The following NOP14 variants were observed in gnomAD, a reference collection of about 807,000 sequenced individuals.
NOP14 encodes NOP14 nucleolar protein.
Under a neutral mutation model 101.6 loss-of-function variants are expected in NOP14, and 57 were observed. That is an observed-to-expected ratio of 0.56 (90% confidence interval 0.45 to 0.70). The LOEUF is 0.70. NOP14 is among the 30% of genes least tolerant of loss of function. NOP14 has a pLI of 0.00. For missense variants in NOP14, 1,134 were observed against 1,075.5 expected, an observed-to-expected ratio of 1.05 and a Z score of -0.76; for synonymous variants, 428 against 424.0, an observed-to-expected ratio of 1.01 and a Z score of -0.12.
At chr4:2,946,200 C>CACT (rs10681600) in intron 11 of NOP14, among the ~76,000 whole-genome samples, 11 of 138,960 alleles carry the variant, frequency 7.9e-5, no homozygotes, top group Non-Finnish European at 9.5e-5. Flanking sequence ...CGTGCACTCT[C>CACT]CAGATCACCC....
chr4:2,944,997 C>T, intron 12 of NOP14, 131 bp downstream of exon 12: 1 of 629,264 alleles, frequency 1.6e-6, no homozygotes. Flanking sequence ...CCCTCTTTGG[C>T]CTAACCGCAG....
rs878974130 is a variant in NOP14, at chr4:2,952,191, C to A, written c.870+84G>T. On this transcript the variant is annotated intron_variant, in intron 6 of 17. Coordinates refer to ENST00000416614, the MANE Select transcript of NOP14 (RefSeq NM_001291978.2). ...TTCCACTGATCAAACAGAGTATTCT[C>A]TTCAGCCCATCCTGCAAAATGGAGC... The A allele has an allele frequency of 4.7e-5, 68 of 1,442,082 alleles. No individual in the cohort carries two copies. In the South Asian group the frequency reaches 8.3e-4, roughly 18 times the overall value. 89.3% of individuals were successfully genotyped at this position (1,442,082 alleles called of 1,614,324 possible). A position where few individuals can be genotyped will look rare whatever the true frequency, so the allele number is the denominator to read the frequency against.
chr4:2,954,552 C>T lies in NOP14; in HGVS notation c.484G>A (p.Ala162Thr). The change falls in exon 4 of 18, where the codon GCT (alanine) becomes ACT (threonine). Residue 162 changes from alanine (A) to threonine (T), a missense_variant. Physicochemically the swap from Ala to Thr is moderately conservative, Grantham distance 58. Transcript: ENST00000416614. ...CCACCGCCTCCTCCAAAGTGGGCAG[C>T]AGTCAGCTCAGCTGGGGGCAAAAGG... ...DRGTLSAELTAAHFGGGGGLL... is the reference protein window; with the variant it reads ...DRGTLSAELTTAHFGGGGGLL... The T allele has an allele frequency of 1.2e-6, 2 of 1,613,986 alleles. No homozygotes were observed. The highest frequency in any genetic ancestry group is 1.7e-6 in the Non-Finnish European group (2 of 1,179,950).
At chr4:2,946,150 C>A (rs550767114) in intron 11 of NOP14, among the ~76,000 whole-genome samples, 1 of 134,636 alleles carries the variant, frequency 7.4e-6, no homozygotes, top group Admixed American at 7.3e-5. Context: ...CACTCCAGAT[C>A]ACCCTCACTG....
At chr4:2,949,471 T>C (rs143432841) in intron 8 of NOP14, among the ~76,000 whole-genome samples, 1,869 of 152,220 alleles carry the variant, frequency 0.012, 37 homozygotes, top group African/African-American at 0.043. Flanking sequence ...TCCCAAAGTG[T>C]TGGGATTATA....
At chr4:2,948,238 C>T (rs1209399538) in intron 9 of NOP14, 40 bp downstream of exon 9, 9 of 1,555,990 alleles carry the variant, frequency 5.8e-6, no homozygotes, top group Non-Finnish European at 6.9e-6. Context: ...CGGGGCTATG[C>T]TGACACTCCC....
intron 1 of NOP14, among the ~76,000 whole-genome samples, chr4:2,962,856 GCGC>G (rs1469892275): frequency 6.6e-6 from 1 of 152,158 alleles, no homozygotes; most frequent in Non-Finnish European, 1.5e-5. Flanking sequence ...TTGGTCCAGG[GCGC>G]CGCCCGAAGT....
Position 2,948,426 on chromosome 4 carries a change from C to T in NOP14, c.1283-18G>A. 6.3e-7 allele frequency: 1 copy of T among 1,587,362 alleles called. No homozygotes were observed. Among genetic ancestry groups the T allele is most frequent in the Non-Finnish European group, 8.6e-7 (1 of 1,166,198 alleles). On this transcript the variant is annotated intron_variant, in intron 8 of 17. Transcript: ENST00000416614. ...TTCAGGGGCTATCAAAAACACAAAA[C>T]ATACTGCACATTTAACATTTATATA...
At chr4:2,951,772 T>G (rs1715043026) in intron 6 of NOP14, among the ~76,000 whole-genome samples, 1 of 152,102 alleles carries the variant, frequency 6.6e-6, no homozygotes, top group Non-Finnish European at 1.5e-5. Flanking sequence ...GAGAACAGCC[T>G]AGGCAACATA....
chr4:2,963,062 C>G (rs1459599640), intron 1 of NOP14, 63 bp downstream of exon 1: 2 of 1,444,226 alleles, frequency 1.4e-6, no homozygotes, highest in Non-Finnish European at 1.8e-6. Context: ...AAGGACGCAG[C>G]CGGCCGAGAG....
chr4:2,942,612 T>C (rs1174083351), intron 13 of NOP14, among the ~76,000 whole-genome samples: 1 of 152,128 alleles, frequency 6.6e-6, no homozygotes, highest in Non-Finnish European at 1.5e-5. Context: ...TCCTGGGGCC[T>C]ACTAGGCACA....
chr4:2,939,301 C>A lies in NOP14; in HGVS notation c.2361G>T (p.Gln787His). ...GRKQGSSKEE[Q>H]ERKRLIHKHK... ...GTTTGTGGATCAGCCTCTTCCTTTC[C>A]TGTTCCTCCTTACTACTGCCTTGTT... The change falls in exon 17 of 18, where the codon CAG becomes CAT. Residue 787 changes from glutamine to histidine, a missense_variant. Gln to His is a conservative substitution (Grantham distance 24). Transcript: ENST00000416614. The A allele has an allele frequency of 6.2e-7, 1 of 1,614,068 alleles. No homozygotes were observed. Among genetic ancestry groups the A allele is most frequent in the Non-Finnish European group, 8.5e-7 (1 of 1,180,054 alleles).
intron 17 of NOP14, 60 bp from the exon 18 acceptor site, chr4:2,938,990 C>T (rs998650408): frequency 1.2e-5 from 18 of 1,524,886 alleles, no homozygotes; most frequent in Non-Finnish European, 1.6e-5. Context: ...GCATCTTGCC[C>T]TCTCTCTCCC....
At chr4:2,943,735 A>G (rs1287480287) in intron 13 of NOP14, among the ~76,000 whole-genome samples, 1 of 152,386 alleles carries the variant, frequency 6.6e-6, no homozygotes, top group Admixed American at 6.5e-5. Context: ...AAATACCAAA[A>G]TATTATGATT....
At position 2,951,124 on chromosome 4, in the gene NOP14, A is replaced by T; in HGVS notation, c.992T>A (p.Leu331His). 6.2e-7 allele frequency: 1 copy of T among 1,608,478 alleles called. No individual in the cohort carries two copies. The highest frequency in any genetic ancestry group is 2.2e-5 in the East Asian group (1 of 44,850). Reference protein sequence around the residue: ...FVLDKDDRRLLSYKDGKMNVE... With the variant: ...FVLDKDDRRLHSYKDGKMNVE... ...AGGCAAACATCTTACTTTGTAGGAA[A>T]GCAAACGCCTGTCATCTTTATCTAG... Residue 331 changes from leucine to histidine, a missense_variant, in exon 7 of 18, where the codon CTT (leucine) becomes CAT (histidine). Leu to His is a moderately conservative substitution (Grantham distance 99). Transcript: ENST00000416614.
chr4:2,938,941 C>T lies in NOP14; in HGVS notation c.2475-11G>A. 6.2e-7 allele frequency: 1 copy of T among 1,611,602 alleles called. No individual in the cohort carries two copies. Among genetic ancestry groups the T allele is most frequent in the Non-Finnish European group, 8.5e-7 (1 of 1,177,806 alleles). On this transcript the variant is annotated splice_polypyrimidine_tract_variant and intron_variant, in intron 17 of 17. Transcript: ENST00000416614. Reference sequence around the variant, plus strand: ...TTTCTTTCCGCATCCCTAAAAGAAACAAAAGGCAAATGCCCATTTTTGGAT... The same window carrying T: ...TTTCTTTCCGCATCCCTAAAAGAAATAAAAGGCAAATGCCCATTTTTGGAT...
rs948517299 is a variant in NOP14 at position 2,939,290 on chromosome 4, C to G, written c.2372G>C (p.Arg791Thr). 7 of 1,613,940 alleles carry G rather than the reference C, an allele frequency of 4.3e-6. No individual in the cohort carries two copies. In the African/African-American group the frequency reaches 8.0e-5, roughly 18 times the overall value. ...TTCACGCTTGTGTTTGTGGATCAGC[C>G]TCTTCCTTTCCTGTTCCTCCTTACT... is the stretch of plus-strand genomic sequence containing the variant. ...GSSKEEQERK[R>T]LIHKHKREFK... Residue 791 changes from arginine (R) to threonine (T), a missense_variant, in exon 17 of 18, where the codon AGG becomes ACG. Arg to Thr is a moderately conservative substitution (Grantham distance 71). Transcript: ENST00000416614.
chr4:2,939,190 T>G lies in NOP14; in HGVS notation c.2472A>C (p.Glu824Asp). 3 of 1,613,936 alleles carry G rather than the reference T, an allele frequency of 1.9e-6. No homozygotes were observed. Among genetic ancestry groups the G allele is most frequent in the Non-Finnish European group, 2.5e-6 (3 of 1,180,024 alleles). ...TCGCACACACACGTCCCCCTCACCGTTCCATGATTTCTGAGAGTTGCATCC... is the reference window on the plus strand; with the variant it reads ...TCGCACACACACGTCCCCCTCACCGGTCCATGATTTCTGAGAGTTGCATCC... ...LARMQLSEIM[E>D]RDAERKRKVK... is the part of the protein sequence containing the mutation. Residue 824 changes from glutamate to aspartate, a missense_variant and splice_region_variant, in exon 17 of 18, where the codon GAA (glutamate) becomes GAC (aspartate). Transcript: ENST00000416614.
chr4:2,940,097 T>G (rs964054496), intron 15 of NOP14, among the ~76,000 whole-genome samples: 1 of 152,256 alleles, frequency 6.6e-6, no homozygotes, highest in African/African-American at 2.4e-5. Context: ...TAGAGCCCAG[T>G]GTGCAAACTG....
Sources: gnomAD v4.1 joint callset for allele counts (sites outside exome capture counted in the v4.1 genomes callset) on GRCh38, gnomAD v4.1.1 for gene constraint, MANE v1.5 for transcripts, NCBI Gene and HGNC (gene_info 2026-07-23, HGNC 2026-07-21) for gene names.